Variants in MTUS2 observed in about 807,000 individuals in gnomAD.
MTUS2 encodes the protein microtubule-associated tumor suppressor candidate 2.
A neutral mutation model predicts 114.1 loss-of-function variants in MTUS2; 40 were observed. That is an observed-to-expected ratio of 0.35 (90% CI 0.27 to 0.46). The LOEUF is 0.46. Among genes scored for constraint, MTUS2 ranks in the 20% least tolerant of loss-of-function variants. MTUS2 has a pLI of 1.00. For missense variants in MTUS2, 1,679 were observed against 1,705.4 expected (o/e 0.98, Z 0.27); for synonymous variants, 688 against 672.0 (o/e 1.02, Z -0.37).
rs556539877 is a variant in MTUS2 at position 28,825,019 on chromosome 13, G to A, written c.-316+4408G>A. On this transcript the variant is annotated intron_variant, in intron 1 of 15. Transcript: ENST00000612955. ...ACCAGAGTGCAGCTGGCATTTGTGG[G>A]GAGCACAGGGAGGCAGCTGCAGGCC... Among the ~76,000 whole-genome samples the A allele has an allele frequency of 3.9e-5, 6 of 152,272 alleles. No homozygotes were observed. In the South Asian group the frequency reaches 1.2e-3, roughly 32 times the overall value.
At chr13:29,099,487 A>G (rs1219282890) in intron 4 of MTUS2, among the ~76,000 whole-genome samples, 1 of 112,452 alleles carries the variant, frequency 8.9e-6, no homozygotes. Flanking sequence ...ATTTAGACCC[A>G]GTGTATCATT....
At chr13:28,932,082 A>C (rs1881648235) in intron 2 of MTUS2, among the ~76,000 whole-genome samples, 1 of 152,206 alleles carries the variant, frequency 6.6e-6, no homozygotes, top group Admixed American at 6.5e-5. Context: ...CTAAGCATGA[A>C]GTCAAGGAAT....
intron 8 of MTUS2, among the ~76,000 whole-genome samples, chr13:29,365,109 A>G (rs916372974): frequency 1.3e-5 from 2 of 152,226 alleles, no homozygotes; most frequent in African/African-American, 2.4e-5. Flanking sequence ...CTTTGATAAA[A>G]GAACCATGAG....
At chr13:29,343,883 A>T (rs1868408487) in intron 7 of MTUS2, among the ~76,000 whole-genome samples, 1 of 152,048 alleles carries the variant, frequency 6.6e-6, no homozygotes, top group African/African-American at 2.4e-5. Flanking sequence ...AGAATTTTTA[A>T]ATTTCCTTCT....
At chr13:28,878,124 G>A (rs1157908680) in intron 2 of MTUS2, among the ~76,000 whole-genome samples, 1 of 151,690 alleles carries the variant, frequency 6.6e-6, no homozygotes, top group African/African-American at 2.4e-5. Context: ...CAAACTTTTT[G>A]GTGACGTTTA....
At chr13:29,390,545 C>CT (rs1873353858) in intron 8 of MTUS2, among the ~76,000 whole-genome samples, 1 of 150,462 alleles carries the variant, frequency 6.6e-6, no homozygotes, top group Admixed American at 6.6e-5. Context: ...CCCAGCTACC[C>CT]AGGAGGCTGA....
At chr13:29,173,074 G>C (rs144556078) in intron 5 of MTUS2, among the ~76,000 whole-genome samples, 1 of 151,786 alleles carries the variant, frequency 6.6e-6, no homozygotes, top group African/African-American at 2.4e-5. Flanking sequence ...TGTTTGTGCT[G>C]GTTGTAAAAT....
intron 2 of MTUS2, among the ~76,000 whole-genome samples, chr13:28,892,900 C>T (rs575229844): frequency 1.4e-3 from 213 of 152,268 alleles, no homozygotes; most frequent in African/African-American, 4.4e-3. Context: ...CTTTCCAATG[C>T]AGAGAAGACC....
At chr13:29,080,766 C>T (rs141023910) in intron 4 of MTUS2, among the ~76,000 whole-genome samples, 42 of 152,236 alleles carry the variant, frequency 2.8e-4, no homozygotes, top group African/African-American at 1.0e-3. Context: ...ACTGTTGTCA[C>T]CCTGGCTAGA....
rs573263736 is a variant in MTUS2 at position 29,428,752 on chromosome 13, C to T, written c.3118-11231C>T. 48 of 1,591,900 alleles carry T rather than the reference C, an allele frequency of 3.0e-5. No homozygotes were observed. The East Asian group carries it at 9.2e-4, about 31-fold the overall frequency. On this transcript the variant is annotated intron_variant, in intron 8 of 15. Coordinates refer to ENST00000612955, the MANE Select transcript of MTUS2 (RefSeq NM_001033602.4). The stretch of plus-strand genomic sequence containing the variant: ...GAAGTTGTGACAGCTCCCAGCGGCG[C>T]GCCCCTTTCGTGTGTGCCGGTACCT...
At chr13:29,404,158 G>C (rs1464509988) in intron 8 of MTUS2, among the ~76,000 whole-genome samples, 2 of 138,798 alleles carry the variant, frequency 1.4e-5, no homozygotes, top group Non-Finnish European at 3.0e-5. Context: ...TGGCCTGCAT[G>C]GTAAAACTCC....
chr13:29,048,107 A>G (rs1887719910), intron 4 of MTUS2, among the ~76,000 whole-genome samples: 1 of 152,244 alleles, frequency 6.6e-6, no homozygotes, highest in Non-Finnish European at 1.5e-5. Flanking sequence ...TAATGCTGCT[A>G]TGAAAATTTG....
At chr13:29,245,884 A>G (rs1593216894) in intron 5 of MTUS2, among the ~76,000 whole-genome samples, 1 of 152,056 alleles carries the variant, frequency 6.6e-6, no homozygotes, top group African/African-American at 2.4e-5. Context: ...TTTTTAGAAG[A>G]GACGGGGTTT....
rs554397801 is a variant in MTUS2 at position 29,242,396 on chromosome 13, C to T, written c.2645-39308C>T. 14 of 179,084 alleles carry T rather than the reference C, an allele frequency of 7.8e-5. No individual in the cohort carries two copies. In the South Asian group the frequency reaches 2.2e-3, roughly 28 times the overall value. 11.1% of individuals were successfully genotyped at this position (179,084 alleles called of 1,614,324 possible). On this transcript the variant is annotated intron_variant, in intron 5 of 15. Transcript: ENST00000612955. ...CATCTGTCTTGTAGCAGGTATCATT[C>T]GTTCATTCCTTTTTTATTGTGAGTA...
At chr13:29,165,997 T>G (rs1239490624) in intron 5 of MTUS2, among the ~76,000 whole-genome samples, 1 of 152,058 alleles carries the variant, frequency 6.6e-6, no homozygotes, top group Non-Finnish European at 1.5e-5. Context: ...GAGTGTGGTT[T>G]TAAAAGGGAA....
At chr13:29,094,406 G>T (rs79773353) in intron 4 of MTUS2, among the ~76,000 whole-genome samples, 1 of 150,910 alleles carries the variant, frequency 6.6e-6, no homozygotes, top group Admixed American at 6.6e-5. Context: ...ATTTCTTCTT[G>T]ATTCAGCTTT....
intron 8 of MTUS2, among the ~76,000 whole-genome samples, chr13:29,366,980 C>G (rs1325772766): frequency 6.6e-6 from 1 of 152,154 alleles, no homozygotes; most frequent in Non-Finnish European, 1.5e-5. Context: ...TTAATACACA[C>G]ACACTCTGAA....
Position 29,381,655 on chromosome 13 carries a change from C to A in MTUS2, c.3117+22182C>A, listed in dbSNP as rs113287622. On this transcript the variant is annotated intron_variant, in intron 8 of 15. Coordinates refer to ENST00000612955, the MANE Select transcript of MTUS2 (RefSeq NM_001033602.4). The stretch of plus-strand genomic sequence containing the variant: ...GGCTGGGATCTGAAGCAAGGTCATT[C>A]CAACATCAAAGCCCACGTTCATCAT... 5.7e-3 allele frequency among the ~76,000 whole-genome samples: 864 copies of A among 152,268 alleles called. 7 individuals carry two copies. Among genetic ancestry groups the A allele is most frequent in the African/African-American group, 0.02 (819 of 41,560 alleles).
intron 6 of MTUS2, among the ~76,000 whole-genome samples, chr13:29,323,183 A>T (rs1593301508): frequency 6.6e-6 from 1 of 152,260 alleles, no homozygotes; most frequent in African/African-American, 2.4e-5. Context: ...AACTTGTAAC[A>T]ATCTAAATGC....
Sources: gnomAD v4.1 joint callset for allele counts (sites outside exome capture counted in the v4.1 genomes callset) on GRCh38, gnomAD v4.1.1 for gene constraint, MANE v1.5 for transcripts, NCBI Gene and HGNC (gene_info 2026-07-23, HGNC 2026-07-21) for gene names.